Variants in ALDH8A1 observed in about 807,000 individuals in gnomAD.
ALDH8A1 encodes the protein 2-aminomuconic semialdehyde dehydrogenase.
A neutral mutation model predicts 43.3 loss-of-function variants in ALDH8A1; 39 were observed. That is an observed-to-expected ratio of 0.90 (90% confidence interval 0.70 to 1.18). The LOEUF (loss-of-function observed/expected upper bound fraction) is 1.18, where lower values mean the gene tolerates loss of function less well. Among genes scored for constraint, ALDH8A1 ranks in the 50% most tolerant of loss-of-function variants. ALDH8A1 has a pLI of 0.00. For synonymous variants in ALDH8A1, 233 were observed against 243.5 expected (o/e 0.96, Z 0.40); for missense variants, 605 against 622.6 (o/e 0.97, Z 0.30).
chr6:134,946,936 A>G (rs1176122603), intron 1 of ALDH8A1, among the ~76,000 whole-genome samples: 2 of 152,230 alleles, frequency 1.3e-5, no homozygotes, highest in Non-Finnish European at 2.9e-5. Context: ...TGGATAATCT[A>G]TATTAAAGGG....
chr6:134,936,207 T>C (rs1031306811), intron 4 of ALDH8A1, among the ~76,000 whole-genome samples: 1 of 152,220 alleles, frequency 6.6e-6, no homozygotes, highest in African/African-American at 2.4e-5. Flanking sequence ...CACCTTGGCC[T>C]CCCAAAGTGC....
intron 4 of ALDH8A1, among the ~76,000 whole-genome samples, chr6:134,938,233 G>A (rs4646873): frequency 0.094 from 14,330 of 152,144 alleles, 944 homozygotes; most frequent in East Asian, 0.25. Context: ...CTGGCCGTGG[G>A]GTGACATAGC....
Position 134,942,402 on chromosome 6 carries a change from C to T in ALDH8A1, c.442+7G>A. The stretch of plus-strand genomic sequence containing the variant: ...CGGGAGGTGGGCTCTCACTGAACAG[C>T]ACTCACCGACTCCCACCGGGGCCCG... On this transcript the variant is annotated splice_region_variant and intron_variant, in intron 3 of 6. Coordinates refer to ENST00000265605, the MANE Select transcript of ALDH8A1 (RefSeq NM_022568.4). The T allele has an allele frequency of 1.2e-6, 2 of 1,603,752 alleles. No homozygotes were observed. The highest frequency in any genetic ancestry group is 1.7e-6 in the Non-Finnish European group (2 of 1,173,328).
At chr6:134,926,766 G>A (rs1776889937) in intron 6 of ALDH8A1, among the ~76,000 whole-genome samples, 1 of 151,430 alleles carries the variant, frequency 6.6e-6, no homozygotes, top group South Asian at 2.1e-4. Flanking sequence ...CCAAGACCAC[G>A]CCATTGCACT....
chr6:134,931,962 A>G (rs1437469634), intron 5 of ALDH8A1, among the ~76,000 whole-genome samples: 1 of 152,218 alleles, frequency 6.6e-6, no homozygotes, highest in African/African-American at 2.4e-5. Context: ...CAATATAGAC[A>G]TCTCTCATTT....
At chr6:134,941,071 A>G (rs1276217110) in intron 3 of ALDH8A1, among the ~76,000 whole-genome samples, 1 of 152,226 alleles carries the variant, frequency 6.6e-6, no homozygotes, top group East Asian at 1.9e-4. Context: ...ATTTATTTAT[A>G]CGTTCTTCCA....
At chr6:134,948,046 A>G (rs1482775024) in intron 1 of ALDH8A1, among the ~76,000 whole-genome samples, 1 of 152,196 alleles carries the variant, frequency 6.6e-6, no homozygotes, top group Non-Finnish European at 1.5e-5. Context: ...TGGTATATAT[A>G]CACAATGGAA....
At chr6:134,942,865 C>G (rs1477328471) in intron 2 of ALDH8A1, among the ~76,000 whole-genome samples, 1 of 152,244 alleles carries the variant, frequency 6.6e-6, no homozygotes, top group Non-Finnish European at 1.5e-5. Flanking sequence ...CACACAAACT[C>G]TTGCAATTCA....
intron 6 of ALDH8A1, among the ~76,000 whole-genome samples, chr6:134,920,783 A>G (rs368065640): frequency 6.6e-6 from 1 of 152,234 alleles, no homozygotes; most frequent in Admixed American, 6.5e-5. Flanking sequence ...TATGCTATAA[A>G]TACAAGAAAT....
chr6:134,943,838 C>G lies in ALDH8A1; in HGVS notation c.267G>C (p.Gln89His). ...TCTCACCTTGGTCTTTAGACTCGGC[C>G]TGGGCAAACTCCTCCAGGGACTGCT... ...LLEQSLEEFAQAESKDQGKTL... is the reference protein window; with the variant it reads ...LLEQSLEEFAHAESKDQGKTL... Residue 89 changes from glutamine to histidine, a missense_variant, in exon 2 of 7, where the codon CAG becomes CAC. Physicochemically the swap from Gln to His is conservative, Grantham distance 24. Coordinates refer to ENST00000265605, the MANE Select transcript of ALDH8A1 (RefSeq NM_022568.4). The G allele has an allele frequency of 6.2e-7, 1 of 1,614,192 alleles. No individual in the cohort carries two copies. Among genetic ancestry groups the G allele is most frequent in the African/African-American group, 1.3e-5 (1 of 75,072 alleles).
At chr6:134,931,051 C>T (rs904110487) in intron 5 of ALDH8A1, among the ~76,000 whole-genome samples, 5 of 152,176 alleles carry the variant, frequency 3.3e-5, no homozygotes, top group South Asian at 2.1e-4. Context: ...CGGAATTCAT[C>T]GCTCAGCTAA....
chr6:134,917,831 T>C lies in ALDH8A1; in HGVS notation c.*584A>G, dbSNP rs1776730819. 6.5e-6 allele frequency: 1 copy of C among 153,148 alleles called. No homozygotes were observed. The highest frequency in any genetic ancestry group is 1.5e-5 in the Non-Finnish European group (1 of 68,818). 9.5% of individuals were successfully genotyped at this position (153,148 alleles called of 1,614,324 possible). Reference sequence around the variant, plus strand: ...AGGCTGAAATGCAGTGGAATGATCATGGCTCACTGCAGCCTCAACCGCCTG... The same window carrying C: ...AGGCTGAAATGCAGTGGAATGATCACGGCTCACTGCAGCCTCAACCGCCTG... On this transcript the variant is annotated 3_prime_UTR_variant, in exon 7 of 7. Transcript: ENST00000265605.
rs3813342 is a variant in ALDH8A1, at chr6:134,942,419, C to T, written c.432G>A (p.Pro144=). ...CTGAACAGCACTCACCGACTCCCAC[C>T]GGGGCCCGCACCGTGTAGTGCATGC... ...LGCMHYTVRA[P]VGVAGLISPW... Residue 144 remains proline (P), a synonymous_variant, in exon 3 of 7, where the codon CCG becomes CCA. Transcript: ENST00000265605. 56 of 1,608,242 alleles carry T rather than the reference C, an allele frequency of 3.5e-5. 1 individual carries two copies. In the Admixed American group the frequency reaches 5.5e-4, roughly 16 times the overall value.
chr6:134,927,985 C>A (rs1418816243), intron 6 of ALDH8A1, among the ~76,000 whole-genome samples: 1 of 152,166 alleles, frequency 6.6e-6, no homozygotes, highest in East Asian at 1.9e-4. Context: ...ATTCTGGAGA[C>A]CACTGCCTAT....
At chr6:134,930,309 T>G (rs1367903637) in intron 5 of ALDH8A1, among the ~76,000 whole-genome samples, 2 of 152,128 alleles carry the variant, frequency 1.3e-5, no homozygotes, top group African/African-American at 4.8e-5. Context: ...TTCAGATGCC[T>G]CACAGACATC....
At chr6:134,934,824 A>C (rs547427946) in intron 4 of ALDH8A1, among the ~76,000 whole-genome samples, 3 of 152,324 alleles carry the variant, frequency 2.0e-5, no homozygotes, top group South Asian at 2.1e-4. Flanking sequence ...AAGAAAACAC[A>C]TGCATAAATG....
rs1773763332 is a variant in ALDH8A1, at chr6:134,937,501, C to G, written c.592+1765G>C. Among the ~76,000 whole-genome samples the G allele has an allele frequency of 3.3e-5, 5 of 152,162 alleles. No homozygotes were observed. The South Asian group carries it at 1.0e-3, about 32-fold the overall frequency. ...TTAGTTTAATGGGCTTACTAGTTCC[C>G]AAGAAATAAAATCAATGCTGTGCAG... is the stretch of plus-strand genomic sequence containing the variant. On this transcript the variant is annotated intron_variant, in intron 4 of 6. Transcript: ENST00000265605.
intron 1 of ALDH8A1, among the ~76,000 whole-genome samples, chr6:134,946,786 G>GTGCACAGGTGCGCATGTGTGCGCGCA (rs534082327): frequency 0.31 from 47,143 of 150,066 alleles, 7,618 homozygotes; most frequent in Non-Finnish European, 0.36. Context: ...GTGTGCGCGC[G>GTGCACAGGTGCGCATGTGTGCGCGCA]CGCACAGGTG....
At chr6:134,943,714 G>A in intron 2 of ALDH8A1, 105 bp downstream of exon 2, 2 of 1,488,964 alleles carry the variant, frequency 1.3e-6, no homozygotes, top group South Asian at 1.3e-5. Flanking sequence ...TTCTACTATT[G>A]CCAGAGGAGC....
Sources: allele counts gnomAD v4.1 joint callset (sites outside exome capture counted in the v4.1 genomes callset), GRCh38; gene constraint gnomAD v4.1.1; transcripts MANE v1.5; gene names NCBI Gene and HGNC (gene_info 2026-07-23, HGNC 2026-07-21).